The following SMURF2 variants were observed in gnomAD, a reference collection of about 807,000 sequenced individuals.
SMURF2 encodes E3 ubiquitin-protein ligase SMURF2.
In SMURF2, 48 loss-of-function variants were observed where a neutral mutation model predicts 109.6. The observed-to-expected ratio is 0.44, with a 90% CI of 0.35 to 0.56. The LOEUF (loss-of-function observed/expected upper bound fraction) is 0.56. Among genes scored for constraint, SMURF2 ranks in the 20% least tolerant of loss-of-function variants. SMURF2 has a pLI of 0.01. For synonymous variants in SMURF2, 288 were observed against 317.1 expected, an observed-to-expected ratio of 0.91 and a Z score of 0.97; for missense variants, 575 against 909.0, an observed-to-expected ratio of 0.63 and a Z score of 4.72.
In SMURF2 at chr17:64,661,975, G is replaced by C; in HGVS notation, c.-95C>G. On this transcript the variant is annotated 5_prime_UTR_variant, in exon 1 of 19. Transcript: ENST00000262435. Reference sequence around the variant, plus strand: ...CACAGCGGCCGGGGCTGGGGCCCGAGCAGCCGGCGCCTCGGCCGCCACGGC... The same window carrying C: ...CACAGCGGCCGGGGCTGGGGCCCGACCAGCCGGCGCCTCGGCCGCCACGGC... 8.9e-7 allele frequency: 1 copy of C among 1,118,206 alleles called. No homozygotes were observed. The highest frequency in any genetic ancestry group is 4.3e-5 in the South Asian group (1 of 23,354). 69.3% of individuals were successfully genotyped at this position (1,118,206 alleles called of 1,614,324 possible). A position where few individuals can be genotyped will look rare whatever the true frequency, so the allele number is the denominator to read the frequency against.
chr17:64,661,983 C>A lies in SMURF2; in HGVS notation c.-103G>T. 1 of 1,110,356 alleles carries A rather than the reference C, an allele frequency of 9.0e-7. No homozygotes were observed. Among genetic ancestry groups the A allele is most frequent in the East Asian group, 5.1e-5 (1 of 19,610 alleles). 68.8% of individuals were successfully genotyped at this position (1,110,356 alleles called of 1,614,324 possible). A position where few individuals can be genotyped will look rare whatever the true frequency, so the allele number is the denominator to read the frequency against. On this transcript the variant is annotated 5_prime_UTR_variant, in exon 1 of 19. Transcript: ENST00000262435. ...CCGGGGCTGGGGCCCGAGCAGCCGG[C>A]GCCTCGGCCGCCACGGCCGGAGGGT...
intron 16 of SMURF2, among the ~76,000 whole-genome samples, chr17:64,549,971 G>A (rs782051328): frequency 3.7e-4 from 57 of 152,334 alleles, no homozygotes; most frequent in Middle Eastern, 3.4e-3. Flanking sequence ...GATTATGGGT[G>A]TATTTAATGA....
chr17:64,657,833 A>G (rs1970725053), intron 1 of SMURF2, among the ~76,000 whole-genome samples: 1 of 152,154 alleles, frequency 6.6e-6, no homozygotes, highest in Non-Finnish European at 1.5e-5. Context: ...GTAATAGCTC[A>G]ACCAACAAGA....
intron 1 of SMURF2, among the ~76,000 whole-genome samples, chr17:64,646,419 T>C (rs1171949419): frequency 1.3e-5 from 2 of 149,590 alleles, no homozygotes; most frequent in Non-Finnish European, 3.0e-5. Flanking sequence ...GGTCTGGCTC[T>C]ATCGCCCAGG....
chr17:64,645,456 G>C (rs1970546981), intron 1 of SMURF2, among the ~76,000 whole-genome samples: 1 of 152,176 alleles, frequency 6.6e-6, no homozygotes, highest in Admixed American at 6.5e-5. Context: ...TGGAGGTTGA[G>C]GCAGGAGGAT....
At chr17:64,634,080 G>A (rs890839818) in intron 1 of SMURF2, among the ~76,000 whole-genome samples, 3 of 151,870 alleles carry the variant, frequency 2.0e-5, no homozygotes, top group African/African-American at 7.3e-5. Flanking sequence ...CTTGAACCCA[G>A]AAGCTGGAGG....
chr17:64,591,123 C>G lies in SMURF2; in HGVS notation c.361G>C (p.Gly121Arg). The change falls in exon 5 of 19, where the codon GGG becomes CGG. Residue 121 changes from glycine to arginine, a missense_variant. This residue lies in a region of SMURF2 where 151 missense variants were observed against 178.4 expected (regional missense o/e 0.85). Coordinates refer to ENST00000262435, the MANE Select transcript of SMURF2 (RefSeq NM_022739.4). ...CTAACTGTATCATTGTCATTTGGCC[C>G]GAGTTTGCATAAATCCAACCTCTGA... is the stretch of plus-strand genomic sequence containing the variant. ...GYQRLDLCKL[G>R]PNDNDTVRGQ... is the part of the protein sequence containing the mutation. 6.2e-7 allele frequency: 1 copy of G among 1,612,860 alleles called. No individual in the cohort carries two copies. Among genetic ancestry groups the G allele is most frequent in the Non-Finnish European group, 8.5e-7 (1 of 1,179,472 alleles).
In SMURF2 at chr17:64,545,158, G is replaced by A. The variant is rs1334079417; in HGVS notation, c.*690C>T. The stretch of plus-strand genomic sequence containing the variant: ...TAAATGACTAAGTTTAGACTAAATG[G>A]TTGCATTAGGAATTTGACAACCAAA... On this transcript the variant is annotated 3_prime_UTR_variant, in exon 19 of 19. Coordinates refer to ENST00000262435, the MANE Select transcript of SMURF2 (RefSeq NM_022739.4). 2 of 152,152 alleles carry A rather than the reference G, an allele frequency of 1.3e-5. No individual in the cohort carries two copies. Among genetic ancestry groups the A allele is most frequent in the Non-Finnish European group, 2.9e-5 (2 of 67,976 alleles). The allele number at this position is 152,152 out of a possible 1,614,324, so 9.4% of individuals were successfully genotyped here.
In SMURF2 at chr17:64,547,438, AAAAG is replaced by A; in HGVS notation, c.2071+158_2071+161del. ...CAGAAAAGGCTCTTGGGAAGGGAAC[AAAAG>A]AAAGGAGGGAGAAGAAGGTATCACA... On this transcript the variant is annotated intron_variant, in intron 17 of 18. Transcript: ENST00000262435. This position sits in a 1 kb window ranked among gnomAD's most constrained non-coding sequence, Gnocchi z 4.2. 6.6e-6 allele frequency among the ~76,000 whole-genome samples: 1 copy of A among 152,378 alleles called. No individual in the cohort carries two copies. The highest frequency in any genetic ancestry group is 2.4e-5 in the African/African-American group (1 of 41,588).
chr17:64,564,147 TATAC>T (rs1969267680), intron 10 of SMURF2, among the ~76,000 whole-genome samples: 1 of 152,198 alleles, frequency 6.6e-6, no homozygotes, highest in African/African-American at 2.4e-5. Flanking sequence ...AATGAGGGCA[TATAC>T]ATACAAAGAC....
intron 2 of SMURF2, among the ~76,000 whole-genome samples, chr17:64,598,955 C>G (rs1969854859): frequency 6.6e-6 from 1 of 152,104 alleles, no homozygotes; most frequent in South Asian, 2.1e-4. Context: ...TGCTGAATAA[C>G]TACCAGGAAA....
chr17:64,596,843 A>G (rs1160262679), intron 3 of SMURF2, among the ~76,000 whole-genome samples: 5 of 152,202 alleles, frequency 3.3e-5, no homozygotes, highest in Non-Finnish European at 7.3e-5. Context: ...GGATTATGAC[A>G]TATAACTTCT....
At chr17:64,612,692 A>C (rs961606956) in intron 1 of SMURF2, among the ~76,000 whole-genome samples, 3 of 152,106 alleles carry the variant, frequency 2.0e-5, no homozygotes, top group Admixed American at 6.6e-5. Flanking sequence ...CACCCCTCAA[A>C]AAAATCTTAT....
intron 1 of SMURF2, among the ~76,000 whole-genome samples, chr17:64,652,407 CAAAT>C (rs746117220): frequency 6.6e-6 from 1 of 152,154 alleles, no homozygotes; most frequent in Non-Finnish European, 1.5e-5. Context: ...AGTGTTAAAA[CAAAT>C]AAACTTAAAG....
chr17:64,595,453 T>C (rs1350663242), intron 3 of SMURF2, among the ~76,000 whole-genome samples: 4 of 152,190 alleles, frequency 2.6e-5, no homozygotes, highest in Non-Finnish European at 2.9e-5. Context: ...GAAAGTTAAA[T>C]AGAGGGCTCT....
At chr17:64,598,581 CCA>C (rs1969849928) in intron 2 of SMURF2, 91 bp from the exon 3 acceptor site, 1 of 1,060,054 alleles carries the variant, frequency 9.4e-7, no homozygotes, top group Admixed American at 3.3e-5. Flanking sequence ...AAAGATTATT[CCA>C]TTCTTTTAAA....
intron 2 of SMURF2, among the ~76,000 whole-genome samples, chr17:64,605,558 AC>A (rs1305821022): frequency 3.3e-5 from 5 of 151,390 alleles, no homozygotes; most frequent in Admixed American, 2.6e-4. Flanking sequence ...TCCTGCCTCT[AC>A]AAAGAATAGT....
intron 1 of SMURF2, among the ~76,000 whole-genome samples, chr17:64,616,469 T>A (rs1357041685): frequency 6.6e-6 from 1 of 151,680 alleles, no homozygotes; most frequent in African/African-American, 2.4e-5. Flanking sequence ...GCCAACATAG[T>A]GAAACCCTGT....
At chr17:64,645,646 G>GT (rs1184934856) in intron 1 of SMURF2, among the ~76,000 whole-genome samples, 1 of 152,156 alleles carries the variant, frequency 6.6e-6, no homozygotes, top group African/African-American at 2.4e-5. Flanking sequence ...CTTTTTGTTT[G>GT]TTTTTAAATT....
Sources: gnomAD v4.1 joint callset for allele counts (sites outside exome capture counted in the v4.1 genomes callset) on GRCh38, gnomAD v4.1.1 for gene constraint, gnomAD v4.1.1 regional missense constraint, Gnocchi (gnomAD v3.1) non-coding constraint, MANE v1.5 for transcripts, NCBI Gene and HGNC (gene_info 2026-07-23, HGNC 2026-07-21) for gene names.